The following SMG6 variants were observed in gnomAD, a reference collection of about 807,000 sequenced individuals.
SMG6 encodes SMG6 nonsense mediated mRNA decay factor.
A neutral mutation model predicts 142.2 loss-of-function variants in SMG6; 66 were observed. The ratio of observed to expected loss-of-function variants is 0.46; its 90% CI spans 0.38 to 0.57. SMG6 has a LOEUF of 0.57. Ranked by LOEUF, SMG6 falls within the 20% of genes least tolerant of loss-of-function variation. SMG6 has a pLI of 0.00. For synonymous variants in SMG6, 779 were observed against 702.4 expected, an observed-to-expected ratio of 1.11 and a Z score of -1.72; for missense variants, 1,793 against 1,832.0, an observed-to-expected ratio of 0.98 and a Z score of 0.39.
At position 2,236,643 on chromosome 17, in the gene SMG6, G is replaced by A. The variant is rs765857328; in HGVS notation, c.2724-6C>T. ...CTGCAGGGAATGTCTCCATCCTGCAGATTCAGAAAACCCATCAATGAGGCA... is the reference window on the plus strand; with the variant it reads ...CTGCAGGGAATGTCTCCATCCTGCAAATTCAGAAAACCCATCAATGAGGCA... On this transcript the variant is annotated splice_region_variant and splice_polypyrimidine_tract_variant and intron_variant, in intron 9 of 18. Coordinates refer to ENST00000263073, the MANE Select transcript of SMG6 (RefSeq NM_017575.5). The A allele has an allele frequency of 1.2e-6, 2 of 1,607,588 alleles. No homozygotes were observed. Among genetic ancestry groups the A allele is most frequent in the Non-Finnish European group, 1.7e-6 (2 of 1,176,970 alleles).
rs1022668435 is a variant in SMG6 at position 2,280,581 on chromosome 17, C to T, written c.2661+2066G>A. 1.4e-5 allele frequency: 14 copies of T among 984,908 alleles called. No homozygotes were observed. The African/African-American group carries it at 1.6e-4, about 11-fold the overall frequency. The allele number at this position is 984,908 out of a possible 1,614,324, so 61.0% of individuals were successfully genotyped here. A position where few individuals can be genotyped will look rare whatever the true frequency, so the allele number is the denominator to read the frequency against. ...TCAGGCCAGAAACTGCAGATTTCTT[C>T]GAGGGCTGGTAGCCTAAAATGAAAA... is the stretch of plus-strand genomic sequence containing the variant. On this transcript the variant is annotated intron_variant, in intron 8 of 18. Coordinates refer to ENST00000263073, the MANE Select transcript of SMG6 (RefSeq NM_017575.5).
At chr17:2,100,037 CTTT>C (rs150310662) in intron 13 of SMG6, among the ~76,000 whole-genome samples, 4 of 134,860 alleles carry the variant, frequency 3.0e-5, no homozygotes, top group African/African-American at 1.1e-4. Flanking sequence ...TAATTTTTAT[CTTT>C]TTTTTTTTTT....
At position 2,219,243 on chromosome 17, in the gene SMG6, C is replaced by T. The variant is rs111720518; in HGVS notation, c.2869+17249G>A. Among the ~76,000 whole-genome samples the T allele has an allele frequency of 1.1e-4, 17 of 151,990 alleles. 1 individual carries two copies. The highest frequency in any genetic ancestry group is 3.4e-4 in the African/African-American group (14 of 41,438). ...CTGCTAAAAATCCAAAAATTAGCCA[C>T]GCGTGGTGGCGGGCACCTGTAGTCC... On this transcript the variant is annotated intron_variant, in intron 10 of 18. Transcript: ENST00000263073.
chr17:2,060,290 G>A lies in SMG6; in HGVS notation c.*1202C>T, dbSNP rs1434628880. 4 of 152,274 alleles carry A rather than the reference G, an allele frequency of 2.6e-5. No individual in the cohort carries two copies. Among genetic ancestry groups the A allele is most frequent in the Non-Finnish European group, 4.4e-5 (3 of 68,068 alleles). The allele number at this position is 152,274 out of a possible 1,614,324, so 9.4% of individuals were successfully genotyped here. A position where few individuals can be genotyped will look rare whatever the true frequency, so the allele number is the denominator to read the frequency against. ...CTTGGTAAGGAAGCCTCCCCACTGAGGTACCAGCTAAAGGGGCAAGGAAAG... is the reference window on the plus strand; with the variant it reads ...CTTGGTAAGGAAGCCTCCCCACTGAAGTACCAGCTAAAGGGGCAAGGAAAG... On this transcript the variant is annotated 3_prime_UTR_variant, in exon 19 of 19. Transcript: ENST00000263073.
intron 13 of SMG6, chr17:2,087,298 T>C: frequency 8.0e-7 from 1 of 1,245,644 alleles, no homozygotes; most frequent in Non-Finnish European, 1.0e-6. Context: ...ACCCATGTTC[T>C]CTAAGACAGT....
chr17:2,300,367 T>A lies in SMG6; in HGVS notation c.386A>T (p.Asp129Val), dbSNP rs924814335. Residue 129 changes from aspartate (D) to valine (V), a missense_variant, in exon 2 of 19, where the codon GAT becomes GTT. This residue lies in a region of SMG6 where 1,597 missense variants were observed against 1,584.6 expected (regional missense o/e 1.01). Transcript: ENST00000263073. ...TCTTTTGATAATTTTTAGACTACGA[T>A]CCTCTTGTCCAGCAGTCCTAGGAAA... ...ESFPRTAGQEDRSLKIIKRTK... is the reference protein window; with the variant it reads ...ESFPRTAGQEVRSLKIIKRTK... 6.2e-7 allele frequency: 1 copy of A among 1,613,954 alleles called. No homozygotes were observed. Among genetic ancestry groups the A allele is most frequent in the African/African-American group, 1.3e-5 (1 of 75,032 alleles).
rs545782168 is a variant in SMG6, at chr17:2,168,513, T to C, written c.3357+4145A>G. On this transcript the variant is annotated intron_variant, in intron 13 of 18. Coordinates refer to ENST00000263073, the MANE Select transcript of SMG6 (RefSeq NM_017575.5). Reference sequence around the variant, plus strand: ...TTGCAGATTTCTAAAAGGTCAAGAGTTCCTAAAGATTCAACTCCTAGGTTG... The same window carrying C: ...TTGCAGATTTCTAAAAGGTCAAGAGCTCCTAAAGATTCAACTCCTAGGTTG... Among the ~76,000 whole-genome samples, 8 of 152,066 alleles carry C rather than the reference T, an allele frequency of 5.3e-5. No individual in the cohort carries two copies. The South Asian group carries it at 1.7e-3, about 32-fold the overall frequency.
At chr17:2,130,654 T>C (rs1420851785) in intron 13 of SMG6, among the ~76,000 whole-genome samples, 1 of 152,064 alleles carries the variant, frequency 6.6e-6, no homozygotes, top group East Asian at 1.9e-4. Flanking sequence ...TGGTATATAT[T>C]CTTTATGACC....
chr17:2,107,487 T>G (rs1050649002), intron 13 of SMG6, among the ~76,000 whole-genome samples: 1 of 152,206 alleles, frequency 6.6e-6, no homozygotes, highest in Non-Finnish European at 1.5e-5. Flanking sequence ...TAGAGGATTA[T>G]AGTGTTAAAC....
At chr17:2,167,166 G>A (rs1390861005) in intron 13 of SMG6, among the ~76,000 whole-genome samples, 1 of 126,518 alleles carries the variant, frequency 7.9e-6, no homozygotes, top group African/African-American at 3.2e-5. Context: ...AGATATAAAG[G>A]GACTGACTAA....
intron 13 of SMG6, among the ~76,000 whole-genome samples, chr17:2,104,140 A>G (rs2069088397): frequency 6.6e-6 from 1 of 151,964 alleles, no homozygotes; most frequent in Middle Eastern, 3.2e-3. Context: ...TTTAGTAGAG[A>G]CGGGGTTTCA....
intron 15 of SMG6, among the ~76,000 whole-genome samples, chr17:2,075,409 A>G (rs2068229727): frequency 6.6e-6 from 1 of 152,176 alleles, no homozygotes; most frequent in African/African-American, 2.4e-5. Context: ...GAGGGAAACA[A>G]TAGATGTGGC....
chr17:2,147,426 T>C (rs981011716), intron 13 of SMG6, among the ~76,000 whole-genome samples: 16 of 151,922 alleles, frequency 1.1e-4, no homozygotes, highest in Non-Finnish European at 7.4e-5. Context: ...GCCACACAAG[T>C]AGCTTATAGC....
intron 8 of SMG6, among the ~76,000 whole-genome samples, chr17:2,270,369 G>C (rs2074519504): frequency 6.6e-6 from 1 of 152,104 alleles, no homozygotes; most frequent in Admixed American, 6.5e-5. Context: ...TAGCACTTTG[G>C]GAGGCTGAGG....
At chr17:2,280,730 AC>A (rs1257478252) in intron 8 of SMG6, 19 of 279,576 alleles carry the variant, frequency 6.8e-5, no homozygotes, top group Non-Finnish European at 8.7e-5. Flanking sequence ...GTTGTAGTCT[AC>A]CTACAAGAAT....
chr17:2,302,675 G>A (rs1440793835), intron 1 of SMG6, among the ~76,000 whole-genome samples: 2 of 152,198 alleles, frequency 1.3e-5, no homozygotes, highest in Non-Finnish European at 2.9e-5. Flanking sequence ...AAGGAAAAGG[G>A]GAAGAAAAGA....
At chr17:2,237,761 T>G (rs1175183586) in intron 9 of SMG6, among the ~76,000 whole-genome samples, 1 of 152,204 alleles carries the variant, frequency 6.6e-6, no homozygotes, top group Non-Finnish European at 1.5e-5. Flanking sequence ...TGCCTGGAGC[T>G]TCTTTGGCAA....
At chr17:2,255,333 G>C (rs1184329274) in intron 8 of SMG6, among the ~76,000 whole-genome samples, 1 of 147,708 alleles carries the variant, frequency 6.8e-6, no homozygotes, top group Non-Finnish European at 1.5e-5. Context: ...GAACCCGGGA[G>C]GCGGAGCTTG....
chr17:2,073,312 G>A (rs967687120), intron 15 of SMG6, among the ~76,000 whole-genome samples: 6 of 152,046 alleles, frequency 3.9e-5, no homozygotes, highest in African/African-American at 1.2e-4. Flanking sequence ...TCAAACTCCC[G>A]ACCTCAGGTG....
Sources: allele counts gnomAD v4.1 joint callset (sites outside exome capture counted in the v4.1 genomes callset), GRCh38; gene constraint gnomAD v4.1.1; regional missense constraint gnomAD v4.1.1; transcripts MANE v1.5; gene names NCBI Gene and HGNC (gene_info 2026-07-23, HGNC 2026-07-21).